The following IPO11 variants were observed in gnomAD, a reference collection of about 807,000 sequenced individuals.
IPO11 encodes the protein importin-11.
A neutral mutation model predicts 143.2 loss-of-function variants in IPO11; 66 were observed. The ratio of observed to expected loss-of-function variants is 0.46; its 90% CI spans 0.38 to 0.57. The LOEUF (loss-of-function observed/expected upper bound fraction) is 0.57. Ranked by LOEUF, IPO11 falls within the 20% of genes least tolerant of loss-of-function variation. The pLI, the probability that IPO11 is intolerant of heterozygous loss-of-function variation, is 0.00. For missense variants in IPO11, 1,026 were observed against 1,141.0 expected (o/e 0.90, Z 1.45); for synonymous variants, 385 against 377.8 (o/e 1.02, Z -0.22).
At chr5:62,605,732 T>TATTATTATTATC (rs1745686698) in intron 29 of IPO11, among the ~76,000 whole-genome samples, 1 of 150,384 alleles carries the variant, frequency 6.6e-6, no homozygotes, top group African/African-American at 2.4e-5. Flanking sequence ...TTATTATTAT[T>TATTATTATTATC]ATTATTATTT....
intron 9 of IPO11, among the ~76,000 whole-genome samples, chr5:62,478,627 C>T (rs1746055709): frequency 6.6e-6 from 1 of 152,154 alleles, no homozygotes; most frequent in Non-Finnish European, 1.5e-5. Context: ...TGCATCAGCT[C>T]CCTTTCCATC....
chr5:62,424,429 G>A (rs924829256), intron 1 of IPO11, among the ~76,000 whole-genome samples: 7 of 151,198 alleles, frequency 4.6e-5, no homozygotes, highest in East Asian at 2.0e-4. Flanking sequence ...GTGAGCCATC[G>A]CGCCTGGCTC....
intron 27 of IPO11, among the ~76,000 whole-genome samples, chr5:62,573,827 A>T (rs1445449015): frequency 6.6e-6 from 1 of 152,220 alleles, no homozygotes; most frequent in Non-Finnish European, 1.5e-5. Context: ...ATGCCCCTGC[A>T]GTATTGTACA....
At chr5:62,456,491 A>G (rs952743761) in intron 5 of IPO11, among the ~76,000 whole-genome samples, 2 of 152,228 alleles carry the variant, frequency 1.3e-5, no homozygotes, top group Non-Finnish European at 2.9e-5. Flanking sequence ...GTAACACACA[A>G]AAGTATATGC....
chr5:62,485,374 A>G, intron 11 of IPO11, 45 bp from the exon 12 acceptor site: 1 of 1,480,394 alleles, frequency 6.8e-7, no homozygotes, highest in Non-Finnish European at 9.4e-7. Context: ...TTGTTTTCTA[A>G]ACCAAGATGT....
chr5:62,492,165 C>T (rs1400009850), intron 15 of IPO11, among the ~76,000 whole-genome samples: 1 of 152,166 alleles, frequency 6.6e-6, no homozygotes, highest in East Asian at 1.9e-4. Flanking sequence ...TATACTTTTA[C>T]TTCTGTTTGG....
intron 21 of IPO11, 79 bp downstream of exon 21, chr5:62,526,336 A>C (rs1580284888): frequency 2.1e-6 from 2 of 964,590 alleles, no homozygotes. Context: ...AGTTAAGGTC[A>C]TGTAATAGGG....
chr5:62,551,204 T>G lies in IPO11; in HGVS notation c.2347-19T>G, dbSNP rs1312259674. ...GTACCATAACACAATTTTACATGTG[T>G]TGTATTTTAATTGTACAGAGGTATC... On this transcript the variant is annotated intron_variant, in intron 25 of 29. Transcript: ENST00000325324. The G allele has an allele frequency of 7.5e-7, 1 of 1,335,054 alleles. No individual in the cohort carries two copies. Among genetic ancestry groups the G allele is most frequent in the Non-Finnish European group, 1.1e-6 (1 of 937,360 alleles). The allele number at this position is 1,335,054 out of a possible 1,614,324, so 82.7% of individuals were successfully genotyped here. A position where few individuals can be genotyped will look rare whatever the true frequency, so the allele number is the denominator to read the frequency against.
chr5:62,503,034 A>T (rs1741401318), intron 16 of IPO11, among the ~76,000 whole-genome samples: 1 of 152,018 alleles, frequency 6.6e-6, no homozygotes, highest in Admixed American at 6.5e-5. Flanking sequence ...CATGTTGGCC[A>T]GTCTGGTCTC....
At chr5:62,573,446 A>C (rs1744212129) in intron 27 of IPO11, among the ~76,000 whole-genome samples, 1 of 152,150 alleles carries the variant, frequency 6.6e-6, no homozygotes, top group Non-Finnish European at 1.5e-5. Context: ...TCCTTTTTAA[A>C]GTTGTGAGTT....
intron 27 of IPO11, among the ~76,000 whole-genome samples, chr5:62,573,813 C>G (rs1304270414): frequency 3.9e-5 from 6 of 152,176 alleles, no homozygotes; most frequent in Non-Finnish European, 5.9e-5. Flanking sequence ...TGTGTGGAGC[C>G]TTGATGCCCC....
At chr5:62,608,166 C>T (rs1451040696) in intron 29 of IPO11, among the ~76,000 whole-genome samples, 2 of 152,210 alleles carry the variant, frequency 1.3e-5, no homozygotes, top group Admixed American at 6.5e-5. Context: ...ACATTTCTCT[C>T]TCATCACAGT....
intron 10 of IPO11, among the ~76,000 whole-genome samples, chr5:62,483,658 T>C (rs140601979): frequency 6.6e-6 from 1 of 152,244 alleles, no homozygotes; most frequent in African/African-American, 2.4e-5. Context: ...GTTGTATTAT[T>C]TGGAATTCAT....
At chr5:62,469,937 A>G (rs1164775074) in intron 6 of IPO11, among the ~76,000 whole-genome samples, 1 of 152,320 alleles carries the variant, frequency 6.6e-6, no homozygotes. Context: ...TGAAATAGAA[A>G]TGACTTTCTC....
At chr5:62,538,226 C>T (rs1223860550) in intron 24 of IPO11, among the ~76,000 whole-genome samples, 1 of 152,138 alleles carries the variant, frequency 6.6e-6, no homozygotes, top group Non-Finnish European at 1.5e-5. Context: ...GGTTTGCTTA[C>T]AGAAGTGCAC....
intron 27 of IPO11, among the ~76,000 whole-genome samples, chr5:62,566,711 C>T (rs1743950909): frequency 6.8e-6 from 1 of 146,978 alleles, no homozygotes; most frequent in Non-Finnish European, 1.5e-5. Flanking sequence ...GCACTCCAGC[C>T]TGGGTGACAC....
intron 2 of IPO11, among the ~76,000 whole-genome samples, chr5:62,440,669 TA>T (rs761332152): frequency 7.3e-5 from 11 of 151,058 alleles, no homozygotes; most frequent in Non-Finnish European, 1.5e-4. Flanking sequence ...CATTCCTTTT[TA>T]AAAAATACTT....
At chr5:62,546,120 A>G (rs1348655801) in intron 24 of IPO11, among the ~76,000 whole-genome samples, 3 of 152,356 alleles carry the variant, frequency 2.0e-5, no homozygotes, top group South Asian at 2.1e-4. Flanking sequence ...AGGATTATAT[A>G]TCATGCTGCT....
chr5:62,465,523 T>G (rs1379624494), intron 5 of IPO11, among the ~76,000 whole-genome samples: 2 of 152,230 alleles, frequency 1.3e-5, no homozygotes, highest in East Asian at 3.8e-4. Flanking sequence ...AATGTCACTT[T>G]CAAACTCTTT....
Sources: allele counts gnomAD v4.1 joint callset (sites outside exome capture counted in the v4.1 genomes callset), GRCh38; gene constraint gnomAD v4.1.1; transcripts MANE v1.5; gene names NCBI Gene and HGNC (gene_info 2026-07-23, HGNC 2026-07-21).